TSC22D1: variants seen among roughly 807,000 people sequenced by gnomAD.
The protein encoded by TSC22D1 is TSC22 domain family member 1.
A neutral mutation model predicts 74.2 loss-of-function variants in TSC22D1; 9 were observed. The observed-to-expected ratio is 0.12, with a 90% confidence interval of 0.07 to 0.21. The LOEUF (loss-of-function observed/expected upper bound fraction) is 0.21. Among genes scored for constraint, TSC22D1 ranks in the 10% least tolerant of loss-of-function variants. The pLI, the probability that TSC22D1 is intolerant of heterozygous loss-of-function variation, is 1.00. For missense variants in TSC22D1, 1,427 were observed against 1,304.7 expected (o/e 1.09, Z -1.44); for synonymous variants, 586 against 492.5 (o/e 1.19, Z -2.51).
chr13:44,563,253 T>C (rs553772253), intron 1 of TSC22D1, among the ~76,000 whole-genome samples: 2 of 152,272 alleles, frequency 1.3e-5, no homozygotes, highest in South Asian at 4.1e-4. Flanking sequence ...TGAGAAGAAT[T>C]AACATATTGC....
chr13:44,459,856 C>T (rs1019735790), intron 1 of TSC22D1, among the ~76,000 whole-genome samples: 2 of 152,206 alleles, frequency 1.3e-5, no homozygotes, highest in Non-Finnish European at 2.9e-5. Flanking sequence ...GTGGTGAGAC[C>T]CCAGGCTCGT....
rs1017644328 is a variant in TSC22D1 at position 44,460,315 on chromosome 13, G to C, written c.2913-24220C>G. Among the ~76,000 whole-genome samples the C allele has an allele frequency of 2.6e-5, 4 of 152,256 alleles. No individual in the cohort carries two copies. In the East Asian group the frequency reaches 5.8e-4, roughly 22 times the overall value. ...GCCTAATATAAAAAGTATTATTATA[G>C]ATTACTTCCAAAGGAAATTTTTTTC... On this transcript the variant is annotated intron_variant, in intron 1 of 2. Transcript: ENST00000458659.
intron 1 of TSC22D1, among the ~76,000 whole-genome samples, chr13:44,450,327 T>G (rs914366276): frequency 1.3e-5 from 2 of 152,182 alleles, no homozygotes; most frequent in African/African-American, 2.4e-5. Context: ...GAAAAAAGTT[T>G]AAGACAGGCT....
chr13:44,434,315 A>C lies in TSC22D1; in HGVS notation c.*311T>G, dbSNP rs1874329993. The C allele has an allele frequency of 2.9e-6, 4 of 1,372,410 alleles. No individual in the cohort carries two copies. The highest frequency in any genetic ancestry group is 3.7e-6 in the Non-Finnish European group (4 of 1,072,878). The allele number at this position is 1,372,410 out of a possible 1,614,324, so 85.0% of individuals were successfully genotyped here. On this transcript the variant is annotated 3_prime_UTR_variant, in exon 3 of 3. Transcript: ENST00000458659. ...TGGAAGTGAGGGGTAGGGAGCCGGA[A>C]GGGATGGAAAGGCACACAGCTCCTG...
intron 1 of TSC22D1, among the ~76,000 whole-genome samples, chr13:44,562,382 A>G (rs559272059): frequency 1.3e-5 from 2 of 152,354 alleles, no homozygotes; most frequent in South Asian, 2.1e-4. Context: ...ACAAACATGT[A>G]TATATCCTTA....
In TSC22D1 at chr13:44,434,135, T is replaced by C. The variant is rs1438511976; in HGVS notation, c.*491A>G. On this transcript the variant is annotated 3_prime_UTR_variant, in exon 3 of 3. Coordinates refer to ENST00000458659, the MANE Select transcript of TSC22D1 (RefSeq NM_183422.4). ...GAATTTTGGTGACAGTTGTCAAATT[T>C]GTACAGTGAACTCTGTTCCCCCTCA... The C allele has an allele frequency of 2.0e-6, 3 of 1,499,056 alleles. No individual in the cohort carries two copies. The highest frequency in any genetic ancestry group is 2.0e-4 in the Middle Eastern group (1 of 5,020). 92.9% of individuals were successfully genotyped at this position (1,499,056 alleles called of 1,614,324 possible).
Position 44,433,145 on chromosome 13 carries a change from A to G in TSC22D1, c.*1481T>C, listed in dbSNP as rs1874190770. ...GATCCTAGATCTGCTTATTCCAATT[A>G]TACACAGAATAAGGCTCCTTCTTCC... On this transcript the variant is annotated 3_prime_UTR_variant, in exon 3 of 3. Transcript: ENST00000458659. 6.6e-6 allele frequency: 1 copy of G among 152,238 alleles called. No homozygotes were observed. Among genetic ancestry groups the G allele is most frequent in the African/African-American group, 2.4e-5 (1 of 41,450 alleles). 9.4% of individuals were successfully genotyped at this position (152,238 alleles called of 1,614,324 possible).
chr13:44,496,546 G>A (rs979494362), intron 1 of TSC22D1, among the ~76,000 whole-genome samples: 2 of 151,992 alleles, frequency 1.3e-5, no homozygotes, highest in Non-Finnish European at 2.9e-5. Context: ...TTAGCCAGGC[G>A]TGGTGGCAAG....
At chr13:44,519,660 T>C (rs546173908) in intron 1 of TSC22D1, among the ~76,000 whole-genome samples, 12 of 152,244 alleles carry the variant, frequency 7.9e-5, no homozygotes, top group Non-Finnish European at 1.6e-4. Context: ...CCAAAATTAA[T>C]TGGAAGCCAA....
chr13:44,562,277 G>A (rs1883096911), intron 1 of TSC22D1, among the ~76,000 whole-genome samples: 1 of 152,112 alleles, frequency 6.6e-6, no homozygotes, highest in Non-Finnish European at 1.5e-5. Flanking sequence ...CTGGACTCCA[G>A]CAATCAACCT....
At chr13:44,470,977 A>G (rs1207780010) in intron 1 of TSC22D1, among the ~76,000 whole-genome samples, 2 of 152,208 alleles carry the variant, frequency 1.3e-5, no homozygotes, top group Non-Finnish European at 2.9e-5. Flanking sequence ...GTTATATTCT[A>G]CTGCTTAAGA....
intron 1 of TSC22D1, among the ~76,000 whole-genome samples, chr13:44,481,313 A>C (rs1878166645): frequency 6.6e-6 from 1 of 152,206 alleles, no homozygotes; most frequent in Admixed American, 6.5e-5. Flanking sequence ...AGGAACAGCC[A>C]CACCACAGCA....
intron 1 of TSC22D1, among the ~76,000 whole-genome samples, chr13:44,548,712 C>G (rs1345714771): frequency 1.3e-5 from 2 of 152,010 alleles, no homozygotes; most frequent in Non-Finnish European, 2.9e-5. Context: ...TCTATTGAAA[C>G]TAAAAAGCCC....
chr13:44,552,614 C>T (rs1449680860), intron 1 of TSC22D1, among the ~76,000 whole-genome samples: 2 of 152,182 alleles, frequency 1.3e-5, no homozygotes, highest in Non-Finnish European at 2.9e-5. Flanking sequence ...TTAACATCTG[C>T]CAGATCTCTA....
chr13:44,467,548 G>GA (rs1222799724), intron 1 of TSC22D1, among the ~76,000 whole-genome samples: 5 of 149,596 alleles, frequency 3.3e-5, no homozygotes, highest in Admixed American at 6.6e-5. Flanking sequence ...AAATCAGCAA[G>GA]AAAAAAAAAT....
At chr13:44,482,198 T>C (rs1337737428) in intron 1 of TSC22D1, among the ~76,000 whole-genome samples, 2 of 152,184 alleles carry the variant, frequency 1.3e-5, no homozygotes, top group East Asian at 3.8e-4. Flanking sequence ...CATTATATAA[T>C]TTAATCCTCA....
intron 1 of TSC22D1, among the ~76,000 whole-genome samples, chr13:44,441,150 G>A (rs1414324370): frequency 6.6e-6 from 1 of 152,222 alleles, no homozygotes; most frequent in African/African-American, 2.4e-5. Context: ...AGGCTGGAGT[G>A]CAGGGAGATC....
At chr13:44,497,029 T>G (rs1280236499) in intron 1 of TSC22D1, among the ~76,000 whole-genome samples, 1 of 152,016 alleles carries the variant, frequency 6.6e-6, no homozygotes, top group African/African-American at 2.4e-5. Flanking sequence ...AAATTAAACA[T>G]GGAATTATGA....
intron 1 of TSC22D1, among the ~76,000 whole-genome samples, chr13:44,502,177 T>C (rs1265094464): frequency 6.6e-6 from 1 of 152,212 alleles, no homozygotes; most frequent in Non-Finnish European, 1.5e-5. Flanking sequence ...CTTCCAAATG[T>C]TGGATGCCTT....
Sources: allele counts gnomAD v4.1 joint callset (sites outside exome capture counted in the v4.1 genomes callset), GRCh38; gene constraint gnomAD v4.1.1; transcripts MANE v1.5; gene names NCBI Gene and HGNC (gene_info 2026-07-23, HGNC 2026-07-21).